MAPRE2: variants seen among roughly 807,000 people sequenced by gnomAD.
MAPRE2 encodes the protein microtubule associated protein RP/EB family member 2, also known as microtubule-associated protein RP/EB family member 2.
Under a neutral mutation model 43.2 loss-of-function variants are expected in MAPRE2, and 13 were observed. That is an observed-to-expected ratio of 0.30 (90% CI 0.20 to 0.48). The LOEUF (loss-of-function observed/expected upper bound fraction) is 0.48. MAPRE2 is among the 20% of genes least tolerant of loss of function. The pLI is 0.99. For synonymous variants in MAPRE2, 135 were observed against 148.8 expected (o/e 0.91, Z 0.68); for missense variants, 161 against 400.2 (o/e 0.40, Z 5.10).
In MAPRE2 at chr18:35,141,823, A is replaced by G. The variant is rs1910659544; in HGVS notation, c.*1454A>G. ...GCCCACCCCACTTTCCGCTTAACTGAAAAGCTTAAAATAAATTTCTGAATT... is the reference window on the plus strand; with the variant it reads ...GCCCACCCCACTTTCCGCTTAACTGGAAAGCTTAAAATAAATTTCTGAATT... On this transcript the variant is annotated 3_prime_UTR_variant, in exon 7 of 7. Coordinates refer to ENST00000300249, the MANE Select transcript of MAPRE2 (RefSeq NM_014268.4). 6.6e-6 allele frequency: 1 copy of G among 152,212 alleles called. No homozygotes were observed. Among genetic ancestry groups the G allele is most frequent in the Non-Finnish European group, 1.5e-5 (1 of 68,038 alleles). 9.4% of individuals were successfully genotyped at this position (152,212 alleles called of 1,614,324 possible).
At chr18:35,025,128 C>A (rs902251064) in intron 2 of MAPRE2, among the ~76,000 whole-genome samples, 8 of 152,100 alleles carry the variant, frequency 5.3e-5, no homozygotes, top group Non-Finnish European at 1.5e-5. Flanking sequence ...GTTTCATAAC[C>A]ACTGTGAAGT....
intron 2 of MAPRE2, among the ~76,000 whole-genome samples, chr18:35,085,057 G>T (rs147795558): frequency 1.3e-5 from 2 of 152,314 alleles, no homozygotes; most frequent in African/African-American, 4.8e-5. Context: ...TCAGATTTTT[G>T]TTAGATTAGA....
At chr18:35,094,567 G>A (rs1441725514) in intron 2 of MAPRE2, among the ~76,000 whole-genome samples, 2 of 152,174 alleles carry the variant, frequency 1.3e-5, no homozygotes, top group Non-Finnish European at 2.9e-5. Context: ...AAGTTGTGAT[G>A]TTCAACACCT....
At position 35,133,829 on chromosome 18, in the gene MAPRE2, G is replaced by A. The variant is rs534795766; in HGVS notation, c.909+1639G>A. Among the ~76,000 whole-genome samples, 11 of 152,238 alleles carry A rather than the reference G, an allele frequency of 7.2e-5. No individual in the cohort carries two copies. In the South Asian group the frequency reaches 2.3e-3, roughly 32 times the overall value. Reference sequence around the variant, plus strand: ...TCAGGCAAGAGCCCTTGCCTCCTGGGTGTGATTTCCAGGGGGTCTACCTAG... The same window carrying A: ...TCAGGCAAGAGCCCTTGCCTCCTGGATGTGATTTCCAGGGGGTCTACCTAG... On this transcript the variant is annotated intron_variant, in intron 6 of 6. Transcript: ENST00000300249.
At chr18:35,102,201 A>G (rs1380958342) in intron 4 of MAPRE2, 42 bp downstream of exon 4, 5 of 1,430,238 alleles carry the variant, frequency 3.5e-6, no homozygotes, top group African/African-American at 1.4e-5. Context: ...TTCATCTTTG[A>G]TAATGGCTCA....
At chr18:35,000,711 T>C (rs1208512610) in intron 1 of MAPRE2, among the ~76,000 whole-genome samples, 1 of 152,204 alleles carries the variant, frequency 6.6e-6, no homozygotes, top group African/African-American at 2.4e-5. Context: ...AGCAGAGCCA[T>C]AAGCCAGAGA....
chr18:35,041,415 G>C lies in MAPRE2; in HGVS notation c.-125G>C, dbSNP rs1905352960. 10 of 1,554,522 alleles carry C rather than the reference G, an allele frequency of 6.4e-6. No individual in the cohort carries two copies. The South Asian group carries it at 1.1e-4, about 17-fold the overall frequency. ...GGCGGGGCGCGAGCGAGAGCTGGGAGAAGGCAGTGAGCGAGCAGGCGGCAG... is the reference window on the plus strand; with the variant it reads ...GGCGGGGCGCGAGCGAGAGCTGGGACAAGGCAGTGAGCGAGCAGGCGGCAG... On this transcript the variant is annotated 5_prime_UTR_variant, in exon 1 of 7. Transcript: ENST00000300249.
At chr18:35,017,570 GTT>G (rs71166042) in intron 2 of MAPRE2, among the ~76,000 whole-genome samples, 4 of 148,700 alleles carry the variant, frequency 2.7e-5, no homozygotes, top group South Asian at 4.2e-4. Context: ...TTTGTTTTTT[GTT>G]TTTTTTTTAC....
intron 4 of MAPRE2, among the ~76,000 whole-genome samples, chr18:35,110,186 C>T (rs1399077682): frequency 6.6e-6 from 1 of 152,116 alleles, no homozygotes; most frequent in African/African-American, 2.4e-5. Context: ...TTGCTTTAAA[C>T]CTACACTGTC....
chr18:34,983,805 TTTTTGG>T, intron 1 of MAPRE2, among the ~76,000 whole-genome samples: 1 of 152,164 alleles, frequency 6.6e-6, no homozygotes, highest in East Asian at 1.9e-4. Context: ...AATTTTTATG[TTTTTGG>T]TAGAGATGAG....
intron 1 of MAPRE2, among the ~76,000 whole-genome samples, chr18:34,987,121 A>G (rs989120653): frequency 2.6e-5 from 4 of 152,224 alleles, no homozygotes; most frequent in Non-Finnish European, 5.9e-5. Flanking sequence ...AAAATTAGCA[A>G]TGTTTTTAAT....
At chr18:35,007,633 A>C (rs1256761700) in intron 2 of MAPRE2, among the ~76,000 whole-genome samples, 1 of 152,236 alleles carries the variant, frequency 6.6e-6, no homozygotes, top group African/African-American at 2.4e-5. Context: ...CGCATCCATG[A>C]TAGATAACAG....
chr18:35,036,984 G>C (rs1030614437), upstream of MAPRE2, among the ~76,000 whole-genome samples: 3 of 152,122 alleles, frequency 2.0e-5, no homozygotes, highest in African/African-American at 7.2e-5. Flanking sequence ...CAAGATTTTA[G>C]GTGTACTTTT....
chr18:34,987,364 C>T (rs2097021574), intron 1 of MAPRE2, among the ~76,000 whole-genome samples: 1 of 152,104 alleles, frequency 6.6e-6, no homozygotes, highest in Non-Finnish European at 1.5e-5. Context: ...TTTGAGACTC[C>T]ATTCCAGACT....
At chr18:35,122,256 A>G (rs1909710338) in intron 4 of MAPRE2, among the ~76,000 whole-genome samples, 1 of 152,194 alleles carries the variant, frequency 6.6e-6, no homozygotes, top group Non-Finnish European at 1.5e-5. Context: ...GCTTGGGATG[A>G]TTTAATGAGC....
chr18:34,995,659 G>A (rs2097026136), intron 1 of MAPRE2, among the ~76,000 whole-genome samples: 1 of 152,178 alleles, frequency 6.6e-6, no homozygotes, highest in African/African-American at 2.4e-5. Flanking sequence ...TGTGCACCAA[G>A]GATGGACTTC....
chr18:35,124,129 G>T (rs531536714), intron 4 of MAPRE2, among the ~76,000 whole-genome samples: 45 of 152,114 alleles, frequency 3.0e-4, no homozygotes, highest in Non-Finnish European at 6.2e-4. Flanking sequence ...AATTTATAAA[G>T]AAAAGAGGTT....
intron 3 of MAPRE2, among the ~76,000 whole-genome samples, chr18:35,101,188 G>C (rs1410476104): frequency 6.6e-6 from 1 of 152,170 alleles, no homozygotes; most frequent in Non-Finnish European, 1.5e-5. Flanking sequence ...CCTTTTGTCT[G>C]GCTTGTTCAG....
intron 1 of MAPRE2, among the ~76,000 whole-genome samples, chr18:34,985,235 T>A (rs1339374207): frequency 1.6e-5 from 1 of 61,108 alleles, no homozygotes; most frequent in Admixed American, 3.1e-4. Flanking sequence ...ATATTATATA[T>A]TATATAATAT....
Sources: gnomAD v4.1 joint callset for allele counts (sites outside exome capture counted in the v4.1 genomes callset) on GRCh38, gnomAD v4.1.1 for gene constraint, MANE v1.5 for transcripts, NCBI Gene and HGNC (gene_info 2026-07-23, HGNC 2026-07-21) for gene names.